Variants in DERA observed in about 807,000 individuals in gnomAD.
DERA encodes the protein 2-deoxy-D-ribose 5-phosphate aldolase.
Under a neutral mutation model 41.1 loss-of-function variants are expected in DERA, and 15 were observed. The ratio of observed to expected loss-of-function variants is 0.37; its 90% confidence interval spans 0.24 to 0.56. The LOEUF is 0.56. Among genes scored for constraint, DERA ranks in the 20% least tolerant of loss-of-function variants. The pLI is 0.81. For missense variants in DERA, 396 were observed against 403.4 expected (o/e 0.98, Z 0.16); for synonymous variants, 139 against 137.4 (o/e 1.01, Z -0.08).
chr12:15,970,158 C>G lies in DERA; in HGVS notation c.508+7211C>G, dbSNP rs1476638400. ...TTTTTTAGTTTAAAAGGTTGCTGTA[C>G]AATTTTATATTAAGTGTTTTACTGT... On this transcript the variant is annotated intron_variant, in intron 5 of 8. Coordinates refer to ENST00000428559, the MANE Select transcript of DERA (RefSeq NM_015954.4). This position sits in a 1 kb window ranked among gnomAD's most constrained non-coding sequence, Gnocchi z 4.3. Among the ~76,000 whole-genome samples the G allele has an allele frequency of 6.6e-6, 1 of 152,092 alleles. No individual in the cohort carries two copies. The highest frequency in any genetic ancestry group is 1.9e-4 in the East Asian group (1 of 5,198).
intron 1 of DERA, among the ~76,000 whole-genome samples, chr12:15,953,881 C>T (rs1311054628): frequency 1.3e-5 from 2 of 152,122 alleles, no homozygotes; most frequent in Non-Finnish European, 2.9e-5. Context: ...ACGAGATAGT[C>T]ACTTACATAA....
intron 1 of DERA, among the ~76,000 whole-genome samples, chr12:15,926,742 G>GA (rs71051274): frequency 0.69 from 83,287 of 121,016 alleles, 29,458 homozygotes; most frequent in East Asian, 0.81. Context: ...GTCTCAAAAA[G>GA]AAAAAAAAAA....
chr12:15,997,217 C>T (rs1037319381), intron 6 of DERA, among the ~76,000 whole-genome samples: 20 of 152,002 alleles, frequency 1.3e-4, no homozygotes, highest in African/African-American at 4.4e-4. Context: ...AATACTGACA[C>T]AAGACTACAC....
At position 15,946,157 on chromosome 12, in the gene DERA, G is replaced by A. The variant is rs542442912; in HGVS notation, c.32-10779G>A. ...GTATTTTATTGAGGATTTTTGCATC[G>A]ATGTTCATCAGGGATATTGGTCTAA... On this transcript the variant is annotated intron_variant, in intron 1 of 8. Coordinates refer to ENST00000428559, the MANE Select transcript of DERA (RefSeq NM_015954.4). Among the ~76,000 whole-genome samples the A allele has an allele frequency of 2.7e-3, 416 of 152,198 alleles. 1 individual carries two copies. The highest frequency in any genetic ancestry group is 7.1e-3 in the South Asian group (34 of 4,820).
intron 1 of DERA, among the ~76,000 whole-genome samples, chr12:15,929,387 C>T (rs1413790978): frequency 2.0e-5 from 3 of 152,126 alleles, no homozygotes; most frequent in African/African-American, 7.2e-5. Flanking sequence ...TGGTGATTTC[C>T]CCTCTAATTC....
rs931191130 is a variant in DERA, at chr12:16,010,930, G to A, written c.638-21612G>A. Among the ~76,000 whole-genome samples, 88 of 151,794 alleles carry A rather than the reference G, an allele frequency of 5.8e-4. 1 individual carries two copies. The highest frequency in any genetic ancestry group is 2.0e-3 in the African/African-American group (81 of 41,180). On this transcript the variant is annotated intron_variant, in intron 6 of 8. Transcript: ENST00000428559. This position sits in a 1 kb window ranked among gnomAD's most constrained non-coding sequence, Gnocchi z 5.5. ...AAAAAAAGATTTATGATGACATTGA[G>A]GTATGATAATCTCAAATACGTTCTG... is the stretch of plus-strand genomic sequence containing the variant.
intron 5 of DERA, among the ~76,000 whole-genome samples, chr12:15,978,791 A>G (rs1948715076): frequency 6.6e-6 from 1 of 152,174 alleles, no homozygotes; most frequent in Non-Finnish European, 1.5e-5. Context: ...CCTGATAAGC[A>G]CTGAATAATA....
intron 5 of DERA, 88 bp downstream of exon 5, chr12:15,963,035 C>G: frequency 4.7e-6 from 7 of 1,491,736 alleles, no homozygotes; most frequent in Non-Finnish European, 6.3e-6. Flanking sequence ...TTTTAGAGGT[C>G]ACTGTTCTAG....
rs1948745737 is a variant in DERA, at chr12:15,983,509, A to T, written c.637+1073A>T. Among the ~76,000 whole-genome samples, 1 of 152,150 alleles carries T rather than the reference A, an allele frequency of 6.6e-6. No individual in the cohort carries two copies. The highest frequency in any genetic ancestry group is 1.5e-5 in the Non-Finnish European group (1 of 68,028). On this transcript the variant is annotated intron_variant, in intron 6 of 8. Transcript: ENST00000428559. The surrounding 1 kb of genome is among the most constrained non-coding windows in gnomAD (Gnocchi z 6.2). ...AGCACAGGTACCACCTTTTTCAGGA[A>T]TTATTTCCCCTGACACTGCTTCTCC...
At position 15,944,503 on chromosome 12, in the gene DERA, G is replaced by A. The variant is rs560236122; in HGVS notation, c.32-12433G>A. 3.5e-3 allele frequency among the ~76,000 whole-genome samples: 538 copies of A among 152,236 alleles called. 2 individuals are homozygous for A. Among genetic ancestry groups the A allele is most frequent in the Non-Finnish European group, 6.2e-3 (419 of 67,998 alleles). On this transcript the variant is annotated intron_variant, in intron 1 of 8. Transcript: ENST00000428559. ...AGTGATGATGAGCATTTTTTCATGTGTTTTTTGGCTGCATAAATGTCTTCT... is the reference window on the plus strand; with the variant it reads ...AGTGATGATGAGCATTTTTTCATGTATTTTTTGGCTGCATAAATGTCTTCT...
intron 1 of DERA, chr12:15,956,676 C>T: frequency 1.9e-6 from 1 of 513,384 alleles, no homozygotes; most frequent in Non-Finnish European, 3.7e-6. Context: ...CTTCCAGTTC[C>T]AAATGTATAG....
At chr12:15,920,780 A>G (rs1473625368) in intron 1 of DERA, among the ~76,000 whole-genome samples, 3 of 152,214 alleles carry the variant, frequency 2.0e-5, no homozygotes, top group Non-Finnish European at 4.4e-5. Context: ...GGTTGCAGTG[A>G]GCCGAGATTG....
Position 16,036,103 on chromosome 12 carries a change from A to G in DERA, c.751-129A>G, listed in dbSNP as rs1949125944. ...TCACTGATCTAAGCCCTTTCACTGGATGAAGTGAAAAGATTTTTTTTCAAC... is the reference window on the plus strand; with the variant it reads ...TCACTGATCTAAGCCCTTTCACTGGGTGAAGTGAAAAGATTTTTTTTCAAC... On this transcript the variant is annotated intron_variant, in intron 7 of 8. Coordinates refer to ENST00000428559, the MANE Select transcript of DERA (RefSeq NM_015954.4). This position sits in a 1 kb window ranked among gnomAD's most constrained non-coding sequence, Gnocchi z 4.9. The G allele has an allele frequency of 3.5e-6, 3 of 862,064 alleles. No homozygotes were observed. Among genetic ancestry groups the G allele is most frequent in the Non-Finnish European group, 4.8e-6 (3 of 623,086 alleles). The allele number at this position is 862,064 out of a possible 1,614,324, so 53.4% of individuals were successfully genotyped here. A position where few individuals can be genotyped will look rare whatever the true frequency, so the allele number is the denominator to read the frequency against.
chr12:15,977,089 A>G (rs952995363), intron 5 of DERA, among the ~76,000 whole-genome samples: 9 of 152,156 alleles, frequency 5.9e-5, no homozygotes, highest in Non-Finnish European at 1.2e-4. Flanking sequence ...ATGTTTCTGC[A>G]TTACCTTGGA....
At chr12:15,933,558 T>TC (rs1454246255) in intron 1 of DERA, among the ~76,000 whole-genome samples, 1 of 152,228 alleles carries the variant, frequency 6.6e-6, no homozygotes, top group Admixed American at 6.5e-5. Context: ...ATGACTGTGA[T>TC]CCACTGGTAT....
rs1366026997 is a variant in DERA, at chr12:15,998,380, G to A, written c.637+15944G>A. 3.3e-5 allele frequency among the ~76,000 whole-genome samples: 5 copies of A among 151,942 alleles called. No homozygotes were observed. Among genetic ancestry groups the A allele is most frequent in the Admixed American group, 6.6e-5 (1 of 15,256 alleles). The stretch of plus-strand genomic sequence containing the variant: ...TCGCCCAGGCTAGAGTGCAATGGCC[G>A]GATCTTGGCTCACGGCAACCTCCGC... On this transcript the variant is annotated intron_variant, in intron 6 of 8. Transcript: ENST00000428559. The surrounding 1 kb of genome is among the most constrained non-coding windows in gnomAD (Gnocchi z 4.8).
chr12:15,990,576 G>T lies in DERA; in HGVS notation c.637+8140G>T, dbSNP rs973143254. Among the ~76,000 whole-genome samples the T allele has an allele frequency of 1.3e-5, 2 of 152,020 alleles. No homozygotes were observed. Among genetic ancestry groups the T allele is most frequent in the East Asian group, 1.9e-4 (1 of 5,196 alleles). On this transcript the variant is annotated intron_variant, in intron 6 of 8. Coordinates refer to ENST00000428559, the MANE Select transcript of DERA (RefSeq NM_015954.4). The surrounding 1 kb of genome is among the most constrained non-coding windows in gnomAD (Gnocchi z 4.3). ...ATGTTAATCTGAGTATCCATTTGTC[G>T]TTTTTTCTGATCCTCTTCCTCCTTC...
chr12:15,958,968 C>T (rs941056544), intron 3 of DERA, among the ~76,000 whole-genome samples: 4 of 152,166 alleles, frequency 2.6e-5, no homozygotes, highest in African/African-American at 9.7e-5. Flanking sequence ...ATTCCCAAGG[C>T]TACACGTCTT....
chr12:15,952,203 C>T (rs569336194), intron 1 of DERA, among the ~76,000 whole-genome samples: 10 of 152,212 alleles, frequency 6.6e-5, no homozygotes, highest in African/African-American at 1.9e-4. Context: ...CTGGCCTGTA[C>T]TTCATTCTTT....
Sources: gnomAD v4.1 joint callset for allele counts (sites outside exome capture counted in the v4.1 genomes callset) on GRCh38, gnomAD v4.1.1 for gene constraint, Gnocchi (gnomAD v3.1) non-coding constraint, MANE v1.5 for transcripts, NCBI Gene and HGNC (gene_info 2026-07-23, HGNC 2026-07-21) for gene names.